PDE7B: variants seen among roughly 807,000 people sequenced by gnomAD.
PDE7B encodes 3',5'-cyclic-AMP phosphodiesterase 7B.
PDE7B carries 29 observed loss-of-function variants against 56.2 expected under a neutral mutation model. The ratio of observed to expected loss-of-function variants is 0.52; its 90% CI spans 0.38 to 0.70. PDE7B has a LOEUF of 0.70. Ranked by LOEUF, PDE7B falls within the 30% of genes least tolerant of loss-of-function variation. The probability of loss-of-function intolerance (pLI) is 0.00; values close to 1 mark genes in which losing one functional copy is unlikely to be tolerated. For synonymous variants in PDE7B, 197 were observed against 196.9 expected (o/e 1.00, Z 0.00); for missense variants, 490 against 565.0 (o/e 0.87, Z 1.35).
intron 8 of PDE7B, chr6:136,156,162 A>AGT (rs10625572): frequency 0.084 from 21,131 of 251,512 alleles, 747 homozygotes; most frequent in African/African-American, 0.1. Context: ...GAATGATCCA[A>AGT]GTGTGTGTGT....
chr6:135,926,150 A>G (rs368910245), intron 1 of PDE7B, among the ~76,000 whole-genome samples: 14 of 143,252 alleles, frequency 9.8e-5, no homozygotes, highest in South Asian at 4.5e-4. Context: ...GCAGTGGCGC[A>G]ATCTCGGCTC....
chr6:136,124,014 T>C (rs1227343861), intron 3 of PDE7B, among the ~76,000 whole-genome samples: 2 of 152,216 alleles, frequency 1.3e-5, no homozygotes, highest in African/African-American at 4.8e-5. Flanking sequence ...GTGAGTCTCT[T>C]ATTTTTGAAC....
At chr6:135,991,759 G>T (rs1775482988) in intron 2 of PDE7B, among the ~76,000 whole-genome samples, 1 of 152,210 alleles carries the variant, frequency 6.6e-6, no homozygotes, top group African/African-American at 2.4e-5. Context: ...CAGAAAGAAT[G>T]ATGAGGGCCA....
chr6:136,093,327 T>A (rs551339845), intron 2 of PDE7B, among the ~76,000 whole-genome samples: 1 of 152,354 alleles, frequency 6.6e-6, no homozygotes, highest in South Asian at 2.1e-4. Flanking sequence ...TGGGCAATGT[T>A]GTCTGAATTT....
chr6:136,147,322 A>C lies in PDE7B; in HGVS notation c.167-29A>C, dbSNP rs745767236. ...AAAATTGGCTCTCTTTTAAATATATAAATTTCTTGACTTGATGACTTTCCA... is the reference window on the plus strand; with the variant it reads ...AAAATTGGCTCTCTTTTAAATATATCAATTTCTTGACTTGATGACTTTCCA... On this transcript the variant is annotated intron_variant, in intron 3 of 12. Transcript: ENST00000308191. 1.9e-6 allele frequency: 3 copies of C among 1,545,964 alleles called. 1 individual carries two copies. The highest frequency in any genetic ancestry group is 3.4e-4 in the Middle Eastern group (2 of 5,810).
intron 1 of PDE7B, among the ~76,000 whole-genome samples, chr6:135,930,650 G>C (rs376788059): frequency 6.6e-6 from 1 of 152,256 alleles, no homozygotes; most frequent in East Asian, 1.9e-4. Context: ...GGAAGTGGAG[G>C]AGGCAGGCAA....
intron 5 of PDE7B, 52 bp from the exon 6 acceptor site, chr6:136,151,108 A>G (rs1778505051): frequency 1.1e-6 from 1 of 898,668 alleles, no homozygotes; most frequent in Non-Finnish European, 1.9e-6. Context: ...GTCAATCTTG[A>G]TATTTTAGTG....
At chr6:136,115,118 G>A (rs1004525835) in intron 3 of PDE7B, among the ~76,000 whole-genome samples, 5 of 152,148 alleles carry the variant, frequency 3.3e-5, no homozygotes, top group African/African-American at 1.2e-4. Flanking sequence ...CTGCCCTTGA[G>A]GGATTTACAG....
intron 2 of PDE7B, among the ~76,000 whole-genome samples, chr6:136,068,573 G>C (rs1043921221): frequency 1.3e-5 from 2 of 152,026 alleles, no homozygotes; most frequent in Non-Finnish European, 2.9e-5. Context: ...TGGGACTACA[G>C]GCGCCCGCCA....
At chr6:136,167,268 G>A (rs1778809987) in intron 8 of PDE7B, among the ~76,000 whole-genome samples, 1 of 152,060 alleles carries the variant, frequency 6.6e-6, no homozygotes, top group African/African-American at 2.4e-5. Flanking sequence ...TATTTATTAT[G>A]TTTATTGTTT....
At chr6:135,879,439 C>G (rs1432622426) in intron 1 of PDE7B, among the ~76,000 whole-genome samples, 2 of 152,072 alleles carry the variant, frequency 1.3e-5, no homozygotes, top group African/African-American at 4.8e-5. Context: ...AGGCCTAGAA[C>G]TCAAGGTCTG....
chr6:136,188,484 T>C (rs1043143951), intron 12 of PDE7B, among the ~76,000 whole-genome samples: 1 of 152,174 alleles, frequency 6.6e-6, no homozygotes, highest in Admixed American at 6.5e-5. Flanking sequence ...GCCTTAGCCA[T>C]GGAGGTTCTG....
chr6:135,916,390 TTC>T (rs1491054486), intron 1 of PDE7B, among the ~76,000 whole-genome samples: 26 of 107,808 alleles, frequency 2.4e-4, no homozygotes, highest in African/African-American at 1.3e-3. Flanking sequence ...TTTCTTTTCT[TTC>T]TTTTTTTTTT....
At position 136,112,064 on chromosome 6, in the gene PDE7B, G is replaced by A. The variant is rs141870056; in HGVS notation, c.166+3250G>A. On this transcript the variant is annotated intron_variant, in intron 3 of 12. Transcript: ENST00000308191. ...ACTGCCATCCCCTTTCCAAAGTGTC[G>A]CTGGGTGGGTGTCCCTCCCCCACCC... 3.9e-5 allele frequency among the ~76,000 whole-genome samples: 6 copies of A among 152,066 alleles called. No homozygotes were observed. The East Asian group carries it at 5.8e-4, about 15-fold the overall frequency.
chr6:136,178,000 G>A (rs1779006697), intron 9 of PDE7B, among the ~76,000 whole-genome samples: 1 of 152,132 alleles, frequency 6.6e-6, no homozygotes, highest in African/African-American at 2.4e-5. Flanking sequence ...AAAACATAAT[G>A]TTTAGCTAAA....
At chr6:136,058,528 C>T (rs1025059272) in intron 2 of PDE7B, among the ~76,000 whole-genome samples, 11 of 152,274 alleles carry the variant, frequency 7.2e-5, no homozygotes, top group Admixed American at 6.5e-5. Flanking sequence ...TGGTTAATTA[C>T]TTTTAAGGTA....
chr6:136,164,719 A>G (rs1305441470), intron 8 of PDE7B, among the ~76,000 whole-genome samples: 2 of 152,230 alleles, frequency 1.3e-5, no homozygotes, highest in African/African-American at 4.8e-5. Flanking sequence ...ATATGATAGG[A>G]TGACAATAAA....
intron 3 of PDE7B, chr6:136,114,969 C>G (rs905972055): frequency 6.6e-6 from 1 of 152,182 alleles, no homozygotes; most frequent in Admixed American, 6.5e-5. Context: ...GGATGGTTAA[C>G]CACTGAAATG....
intron 1 of PDE7B, among the ~76,000 whole-genome samples, chr6:135,942,843 A>G (rs1336288337): frequency 6.6e-6 from 1 of 151,492 alleles, no homozygotes; most frequent in African/African-American, 2.4e-5. Context: ...TTTTTTCAAG[A>G]GTTAATAATA....
Sources: allele counts gnomAD v4.1 joint callset (sites outside exome capture counted in the v4.1 genomes callset), GRCh38; gene constraint gnomAD v4.1.1; transcripts MANE v1.5; gene names NCBI Gene and HGNC (gene_info 2026-07-23, HGNC 2026-07-21).